TBC1D8: variants seen among roughly 807,000 people sequenced by gnomAD.
TBC1D8 encodes BUB2-like protein 1.
TBC1D8 carries 65 observed loss-of-function variants against 118.8 expected under a neutral mutation model. That is an observed-to-expected ratio of 0.55 (90% CI 0.45 to 0.67). TBC1D8 has a LOEUF of 0.67. TBC1D8 is among the 30% of genes least tolerant of loss of function. The pLI, the probability that TBC1D8 is intolerant of heterozygous loss-of-function variation, is 0.00. For synonymous variants in TBC1D8, 566 were observed against 595.8 expected (o/e 0.95, Z 0.73); for missense variants, 1,376 against 1,471.2 (o/e 0.94, Z 1.06).
intron 15 of TBC1D8, among the ~76,000 whole-genome samples, chr2:101,026,271 G>A (rs1457970245): frequency 6.6e-6 from 1 of 152,172 alleles, no homozygotes; most frequent in Admixed American, 6.5e-5. Context: ...TATGTTCCTG[G>A]TATTCCCTGT....
rs146755111 is a variant in TBC1D8, at chr2:101,030,326, TA to T, written c.1937-551del. 5.3e-3 allele frequency among the ~76,000 whole-genome samples: 811 copies of T among 152,312 alleles called. 9 individuals carry two copies. Among genetic ancestry groups the T allele is most frequent in the African/African-American group, 0.018 (732 of 41,568 alleles). On this transcript the variant is annotated intron_variant, in intron 11 of 19. Coordinates refer to ENST00000409318, the MANE Select transcript of TBC1D8 (RefSeq NM_001330348.2). The stretch of plus-strand genomic sequence containing the variant: ...AAAAGAAAGAACTCTTGCAACTTAG[TA>T]AGAAGGTAACAACCAACCTTTTTTA...
At chr2:101,127,889 A>G (rs1283334091) in intron 1 of TBC1D8, among the ~76,000 whole-genome samples, 1 of 152,192 alleles carries the variant, frequency 6.6e-6, no homozygotes, top group Non-Finnish European at 1.5e-5. Flanking sequence ...CACACAGCTT[A>G]CTTAATGAAT....
In TBC1D8 at chr2:101,038,741, G is replaced by C; in HGVS notation, c.1081-86C>G. ...TATGCAGAAGATGTCCCGAAACAGA[G>C]GGCAAGGCACAATCACTGCAGAAAG... On this transcript the variant is annotated intron_variant, in intron 6 of 19. Transcript: ENST00000409318. 7 of 1,437,866 alleles carry C rather than the reference G, an allele frequency of 4.9e-6. No homozygotes were observed. The South Asian group carries it at 8.5e-5, about 18-fold the overall frequency. The allele number at this position is 1,437,866 out of a possible 1,614,324, so 89.1% of individuals were successfully genotyped here.
Position 101,014,554 on chromosome 2 carries a change from G to A in TBC1D8, c.2828-3014C>T, listed in dbSNP as rs150187829. 5.2e-3 allele frequency among the ~76,000 whole-genome samples: 799 copies of A among 152,244 alleles called. 6 individuals carry two copies. Among genetic ancestry groups the A allele is most frequent in the Non-Finnish European group, 9.7e-3 (660 of 68,016 alleles). On this transcript the variant is annotated intron_variant, in intron 17 of 19. Coordinates refer to ENST00000409318, the MANE Select transcript of TBC1D8 (RefSeq NM_001330348.2). ...AATGACTGTTTTTTCCCTGAGGGAG[G>A]CTCTTAATCCTGGCTGGATTCATCA...
At chr2:101,102,991 C>T (rs111958188) in intron 1 of TBC1D8, among the ~76,000 whole-genome samples, 1,724 of 152,000 alleles carry the variant, frequency 0.011, 33 homozygotes, top group African/African-American at 0.039. Flanking sequence ...AGAGGGAACA[C>T]GCGAATTCAT....
intron 17 of TBC1D8, among the ~76,000 whole-genome samples, chr2:101,018,525 A>T (rs1054908065): frequency 3.3e-5 from 5 of 152,244 alleles, no homozygotes; most frequent in African/African-American, 9.6e-5. Flanking sequence ...CTTCACAGAA[A>T]GCTGAACACA....
chr2:101,072,376 G>C (rs1328965845), intron 2 of TBC1D8, among the ~76,000 whole-genome samples: 1 of 152,060 alleles, frequency 6.6e-6, no homozygotes, highest in Admixed American at 6.6e-5. Flanking sequence ...GAGAGAAGGA[G>C]AGAGAGAGAA....
At chr2:101,042,266 C>A (rs1035919559) in intron 5 of TBC1D8, among the ~76,000 whole-genome samples, 1 of 152,042 alleles carries the variant, frequency 6.6e-6, no homozygotes, top group African/African-American at 2.4e-5. Context: ...GCAACCAAAT[C>A]ACAATGTTTG....
rs1182945126 is a variant in TBC1D8 at position 101,007,671 on chromosome 2, G to A, written c.*150C>T. ...CATAGAAATGCTTGAGGGTTGTGTCGGTTCCCCTGGCCACAGTTTGTCAGG... is the reference window on the plus strand; with the variant it reads ...CATAGAAATGCTTGAGGGTTGTGTCAGTTCCCCTGGCCACAGTTTGTCAGG... On this transcript the variant is annotated 3_prime_UTR_variant, in exon 20 of 20. Coordinates refer to ENST00000409318, the MANE Select transcript of TBC1D8 (RefSeq NM_001330348.2). 1.4e-5 allele frequency: 11 copies of A among 762,980 alleles called. No individual in the cohort carries two copies. The Admixed American group carries it at 1.6e-4, about 11-fold the overall frequency. 47.3% of individuals were successfully genotyped at this position (762,980 alleles called of 1,614,324 possible). A position where few individuals can be genotyped will look rare whatever the true frequency, so the allele number is the denominator to read the frequency against.
At chr2:101,071,366 C>CAAACAAAT (rs138340171) in intron 2 of TBC1D8, among the ~76,000 whole-genome samples, 25 of 151,160 alleles carry the variant, frequency 1.7e-4, no homozygotes, top group South Asian at 1.0e-3. Flanking sequence ...AACAAACAAA[C>CAAACAAAT]AAATAAATAA....
chr2:101,048,672 A>ACT (rs1172890482), intron 5 of TBC1D8, among the ~76,000 whole-genome samples: 3 of 129,398 alleles, frequency 2.3e-5, no homozygotes, highest in Non-Finnish European at 3.4e-5. Flanking sequence ...ATGAATGGAC[A>ACT]CTCTCTCCCC....
chr2:101,074,993 T>C (rs1674715721), intron 2 of TBC1D8, among the ~76,000 whole-genome samples: 1 of 152,198 alleles, frequency 6.6e-6, no homozygotes, highest in Non-Finnish European at 1.5e-5. Context: ...GAGCCATGGC[T>C]ATTTGAGGAA....
rs1678910074 is a variant in TBC1D8, at chr2:101,137,533, C to A, written c.127+13594G>T. Reference sequence around the variant, plus strand: ...TTCACCGTGTTAGCTAGGATGGTCTCGATCTCCTGACCATGTGATCCGCCC... The same window carrying A: ...TTCACCGTGTTAGCTAGGATGGTCTAGATCTCCTGACCATGTGATCCGCCC... On this transcript the variant is annotated intron_variant, in intron 1 of 19. Coordinates refer to ENST00000409318, the MANE Select transcript of TBC1D8 (RefSeq NM_001330348.2). Among the ~76,000 whole-genome samples the A allele has an allele frequency of 2.7e-5, 4 of 150,444 alleles. No homozygotes were observed. The South Asian group carries it at 8.4e-4, about 32-fold the overall frequency.
chr2:101,140,540 G>C (rs1275021188), intron 1 of TBC1D8, among the ~76,000 whole-genome samples: 1 of 152,112 alleles, frequency 6.6e-6, no homozygotes, highest in Middle Eastern at 3.4e-3. Flanking sequence ...CAGAAAAAAT[G>C]CCAAGCTCTC....
At chr2:101,026,405 A>T (rs1680337559) in intron 15 of TBC1D8, among the ~76,000 whole-genome samples, 1 of 152,222 alleles carries the variant, frequency 6.6e-6, no homozygotes, top group Non-Finnish European at 1.5e-5. Flanking sequence ...TACGGGAGAA[A>T]GCGGCCTGCT....
Position 101,033,557 on chromosome 2 carries a change from A to G in TBC1D8, c.1805T>C (p.Ile602Thr), listed in dbSNP as rs766065644. The G allele has an allele frequency of 1.2e-6, 2 of 1,613,806 alleles. No individual in the cohort carries two copies. The highest frequency in any genetic ancestry group is 1.7e-5 in the Admixed American group (1 of 59,992). The change falls in exon 10 of 20, where the codon ATT becomes ACT. Residue 602 changes from isoleucine to threonine, a missense_variant. By Grantham distance (89) the Ile-to-Thr change is moderately conservative. Transcript: ENST00000409318. Reference protein sequence around the residue: ...LTAYAHRNPKIGYCQSMNILT... With the variant: ...LTAYAHRNPKTGYCQSMNILT... The stretch of plus-strand genomic sequence containing the variant: ...CACCCCTTTCACCTGGCAGTATCCA[A>G]TCTTGGGGTTCCGGTGGGCATAGGC...
chr2:101,093,907 C>T lies in TBC1D8; in HGVS notation c.128-3543G>A, dbSNP rs141244628. ...GTATTTTAGTACACCATGTCAGTCACGCTGGTCTTGAACTCTTGACCTCAG... is the reference window on the plus strand; with the variant it reads ...GTATTTTAGTACACCATGTCAGTCATGCTGGTCTTGAACTCTTGACCTCAG... On this transcript the variant is annotated intron_variant, in intron 1 of 19. Transcript: ENST00000409318. 8.1e-3 allele frequency among the ~76,000 whole-genome samples: 1,235 copies of T among 152,166 alleles called. 38 individuals carry two copies. Among genetic ancestry groups the T allele is most frequent in the Admixed American group, 0.059 (903 of 15,304 alleles).
chr2:101,015,140 G>T (rs1457734711), intron 17 of TBC1D8, among the ~76,000 whole-genome samples: 1 of 152,164 alleles, frequency 6.6e-6, no homozygotes, highest in Non-Finnish European at 1.5e-5. Flanking sequence ...AACCTGTACA[G>T]CATGTTACTG....
At chr2:101,021,559 G>GA in intron 17 of TBC1D8, 122 bp downstream of exon 17, 1 of 694,970 alleles carries the variant, frequency 1.4e-6, no homozygotes, top group Non-Finnish European at 2.4e-6. Flanking sequence ...CCCCAAGCCA[G>GA]AAACACCTGT....
Sources: allele counts gnomAD v4.1 joint callset (sites outside exome capture counted in the v4.1 genomes callset), GRCh38; gene constraint gnomAD v4.1.1; transcripts MANE v1.5; gene names NCBI Gene and HGNC (gene_info 2026-07-23, HGNC 2026-07-21).